ADAM19: variants seen among roughly 807,000 people sequenced by gnomAD.
ADAM19 encodes the protein ADAM metallopeptidase domain 19, also known as disintegrin and metalloproteinase domain-containing protein 19.
A neutral mutation model predicts 114.7 loss-of-function variants in ADAM19; 65 were observed. The ratio of observed to expected loss-of-function variants is 0.57; its 90% confidence interval spans 0.46 to 0.70. The LOEUF is 0.70. Ranked by LOEUF, ADAM19 falls within the 30% of genes least tolerant of loss-of-function variation. The pLI, the probability that ADAM19 is intolerant of heterozygous loss-of-function variation, is 0.00. For missense variants in ADAM19, 1,063 were observed against 1,204.7 expected (o/e 0.88, Z 1.74); for synonymous variants, 466 against 460.5 (o/e 1.01, Z -0.15).
rs370704540 is a variant in ADAM19 at position 157,518,888 on chromosome 5, T to C, written c.601A>G (p.Met201Val). The C allele has an allele frequency of 1.2e-6, 2 of 1,613,620 alleles. No homozygotes were observed. The highest frequency in any genetic ancestry group is 8.5e-7 in the Non-Finnish European group (1 of 1,179,500). Residue 201 changes from methionine to valine, a missense_variant and splice_region_variant, in exon 7 of 23, where the codon ATG becomes GTG. Around this residue, in one of 3 missense-constraint regions of ADAM19, gnomAD observed 615 missense variants for 706.3 expected, o/e 0.87. Transcript: ENST00000257527. ...TQQTKKRPRR[M>V]KREDLNSMKY... Reference sequence around the variant, plus strand: ...ATGGAGTTTAAATCTTCCCTTTTCATCTAAGAAAGAGAAACAGATCAGCGC... The same window carrying C: ...ATGGAGTTTAAATCTTCCCTTTTCACCTAAGAAAGAGAAACAGATCAGCGC...
chr5:157,490,824 G>A (rs547486110), intron 18 of ADAM19, among the ~76,000 whole-genome samples: 5 of 151,308 alleles, frequency 3.3e-5, no homozygotes, highest in East Asian at 1.9e-4. Flanking sequence ...CCCGGGAGGC[G>A]GAGGTTGCAG....
At chr5:157,529,108 T>C (rs1225920708) in intron 5 of ADAM19, among the ~76,000 whole-genome samples, 1 of 152,240 alleles carries the variant, frequency 6.6e-6, no homozygotes, top group East Asian at 1.9e-4. Flanking sequence ...TTTGTCAGCA[T>C]ATTGGCAGAT....
At chr5:157,537,825 A>T (rs2113763567) in intron 4 of ADAM19, 88 bp downstream of exon 4, 1 of 1,226,360 alleles carries the variant, frequency 8.2e-7, no homozygotes, top group Admixed American at 1.8e-5. Context: ...CAGAGGAGAG[A>T]CCAACTCCAT....
intron 7 of ADAM19, among the ~76,000 whole-genome samples, chr5:157,515,282 C>T (rs1427789721): frequency 6.6e-6 from 1 of 152,166 alleles, no homozygotes; most frequent in African/African-American, 2.4e-5. Flanking sequence ...GCAGCATTTC[C>T]ATTCATTTAG....
chr5:157,490,797 C>T (rs1223912799), intron 18 of ADAM19, among the ~76,000 whole-genome samples: 2 of 150,110 alleles, frequency 1.3e-5, no homozygotes, highest in African/African-American at 4.9e-5. Context: ...GAGGCTGAGG[C>T]AGGAGAATCA....
intron 13 of ADAM19, among the ~76,000 whole-genome samples, chr5:157,498,009 G>C (rs1378210253): frequency 6.6e-6 from 1 of 152,202 alleles, no homozygotes; most frequent in Non-Finnish European, 1.5e-5. Context: ...CTTATGCTTA[G>C]GCCTTGGGCC....
At chr5:157,539,364 A>C (rs1756853482) in intron 3 of ADAM19, among the ~76,000 whole-genome samples, 1 of 152,208 alleles carries the variant, frequency 6.6e-6, no homozygotes, top group Non-Finnish European at 1.5e-5. Flanking sequence ...CCAGCACAGA[A>C]AGCCAAAGGA....
intron 3 of ADAM19, among the ~76,000 whole-genome samples, chr5:157,554,348 G>T (rs1028065980): frequency 6.6e-6 from 1 of 152,228 alleles, no homozygotes; most frequent in Non-Finnish European, 1.5e-5. Context: ...AAATAAGCTT[G>T]AGACAAAAGA....
chr5:157,503,331 G>A (rs747789237), intron 11 of ADAM19, among the ~76,000 whole-genome samples: 8 of 152,022 alleles, frequency 5.3e-5, no homozygotes, highest in African/African-American at 1.2e-4. Flanking sequence ...ATAACACACC[G>A]GGGCCTGTTG....
chr5:157,502,094 C>G (rs1233232292), intron 12 of ADAM19, among the ~76,000 whole-genome samples: 2 of 152,032 alleles, frequency 1.3e-5, no homozygotes, highest in Non-Finnish European at 2.9e-5. Flanking sequence ...TATACAGAAC[C>G]TCAGTCTCAC....
At chr5:157,562,649 A>G (rs1757538820) in intron 3 of ADAM19, among the ~76,000 whole-genome samples, 1 of 152,192 alleles carries the variant, frequency 6.6e-6, no homozygotes, top group Admixed American at 6.5e-5. Flanking sequence ...TCCTAGTTTC[A>G]GCTCTTTCAT....
chr5:157,575,651 CA>C lies in ADAM19; in HGVS notation c.45del (p.Phe15LeufsTer43). ...AGAARLCLLA[F>X]ALQPLRPRAA... Reference sequence around the variant, plus strand: ...GCCCGCGGCCGGAGGGGCTGCAGGGCAAACGCCAGCAAGCAGAGCCGGGCGG... The same window carrying C: ...GCCCGCGGCCGGAGGGGCTGCAGGGCAACGCCAGCAAGCAGAGCCGGGCGG... On this transcript the variant is annotated frameshift_variant, in exon 1 of 23. Coordinates refer to ENST00000257527, the MANE Select transcript of ADAM19 (RefSeq NM_033274.5). LOFTEE classifies it high-confidence loss of function. 1 of 1,407,114 alleles carries C rather than the reference CA, an allele frequency of 7.1e-7. No homozygotes were observed. Among genetic ancestry groups the C allele is most frequent in the South Asian group, 1.5e-5 (1 of 66,528 alleles). 87.2% of individuals were successfully genotyped at this position (1,407,114 alleles called of 1,614,324 possible).
chr5:157,548,174 A>G (rs1311927724), intron 3 of ADAM19, among the ~76,000 whole-genome samples: 2 of 151,824 alleles, frequency 1.3e-5, no homozygotes, highest in Non-Finnish European at 2.9e-5. Flanking sequence ...ACTTCCTCCT[A>G]TCAGACTTCC....
intron 3 of ADAM19, among the ~76,000 whole-genome samples, chr5:157,540,952 A>G (rs1205936661): frequency 6.6e-6 from 1 of 152,180 alleles, no homozygotes; most frequent in African/African-American, 2.4e-5. Flanking sequence ...TCATCTAGAA[A>G]CTAGTTAAAA....
At chr5:157,544,302 T>A (rs1271485330) in intron 3 of ADAM19, among the ~76,000 whole-genome samples, 2 of 152,252 alleles carry the variant, frequency 1.3e-5, no homozygotes, top group Non-Finnish European at 2.9e-5. Context: ...CTACTCAGTA[T>A]GTTTTCTTTA....
chr5:157,523,591 C>T (rs1756368762), intron 5 of ADAM19, among the ~76,000 whole-genome samples: 1 of 152,230 alleles, frequency 6.6e-6, no homozygotes, highest in Admixed American at 6.5e-5. Flanking sequence ...CACAGGCTCC[C>T]CTTCACCTTC....
At chr5:157,561,119 C>A (rs1410012150) in intron 3 of ADAM19, among the ~76,000 whole-genome samples, 1 of 152,338 alleles carries the variant, frequency 6.6e-6, no homozygotes, top group South Asian at 2.1e-4. Context: ...CTGTTTTTCA[C>A]CTGCACTCAA....
chr5:157,489,107 G>C lies in ADAM19; in HGVS notation c.2320C>G (p.Arg774Gly), dbSNP rs1240821043. The change falls in exon 20 of 23, where the codon CGA becomes GGA. Residue 774 changes from arginine to glycine, a missense_variant. By Grantham distance (125) the Arg-to-Gly change is moderately radical (BLOSUM62 -2). Around this residue, in one of 3 missense-constraint regions of ADAM19, gnomAD observed 424 missense variants for 445.5 expected, o/e 0.95. Coordinates refer to ENST00000257527, the MANE Select transcript of ADAM19 (RefSeq NM_033274.5). ...CAGTGGTGCAAAGCTCTTACCTTTCGCTTGCCCTGGGGCGTCTGCAGCTTG... is the reference window on the plus strand; with the variant it reads ...CAGTGGTGCAAAGCTCTTACCTTTCCCTTGCCCTGGGGCGTCTGCAGCTTG... The part of the protein sequence containing the change: ...TFKLQTPQGK[R>G]KVINTPEILR... 6 of 1,613,756 alleles carry C rather than the reference G, an allele frequency of 3.7e-6. No individual in the cohort carries two copies. The highest frequency in any genetic ancestry group is 5.1e-6 in the Non-Finnish European group (6 of 1,179,692).
intron 9 of ADAM19, among the ~76,000 whole-genome samples, chr5:157,508,573 C>G (rs1755818063): frequency 6.6e-6 from 1 of 151,322 alleles, no homozygotes; most frequent in Admixed American, 6.6e-5. Flanking sequence ...GCACTCCAGC[C>G]TAGGTGACAG....
Sources: allele counts gnomAD v4.1 joint callset (sites outside exome capture counted in the v4.1 genomes callset), GRCh38; gene constraint gnomAD v4.1.1; regional missense constraint gnomAD v4.1.1; transcripts MANE v1.5; gene names NCBI Gene and HGNC (gene_info 2026-07-23, HGNC 2026-07-21).